The following COL6A3 variants were observed in gnomAD, a reference collection of about 807,000 sequenced individuals.
COL6A3 encodes the protein collagen alpha-3(VI) chain.
Under a neutral mutation model 274.1 loss-of-function variants are expected in COL6A3, and 137 were observed. The ratio of observed to expected loss-of-function variants is 0.50; its 90% CI spans 0.44 to 0.58. COL6A3 has a LOEUF of 0.58. Ranked by LOEUF, COL6A3 falls within the 20% of genes least tolerant of loss-of-function variation. The pLI is 0.00. For missense variants in COL6A3, 3,950 were observed against 4,124.9 expected, an observed-to-expected ratio of 0.96 and a Z score of 1.16; for synonymous variants, 1,650 against 1,650.6, an observed-to-expected ratio of 1.00 and a Z score of 0.01.
chr2:237,356,519 T>C (rs1372581553), intron 23 of COL6A3, among the ~76,000 whole-genome samples: 1 of 152,216 alleles, frequency 6.6e-6, no homozygotes, highest in African/African-American at 2.4e-5. Flanking sequence ...CGAACTCTAC[T>C]GGCCCAAGTG....
intron 42 of COL6A3, chr2:237,328,314 T>C (rs1447755243): frequency 6.6e-6 from 1 of 152,178 alleles, no homozygotes; most frequent in Non-Finnish European, 1.5e-5. Flanking sequence ...AACCCTGTTC[T>C]GGGAATCCCA....
chr2:237,400,513 G>T (rs1458693902), intron 1 of COL6A3, among the ~76,000 whole-genome samples: 1 of 151,576 alleles, frequency 6.6e-6, no homozygotes, highest in East Asian at 1.9e-4. Flanking sequence ...AAAAAAAATA[G>T]ATATTTGCTT....
intron 32 of COL6A3, 22 bp from the exon 33 acceptor site, chr2:237,345,235 G>A (rs1444917339): frequency 1.2e-6 from 2 of 1,613,576 alleles, no homozygotes; most frequent in South Asian, 1.1e-5. Flanking sequence ...AGGAACGAAA[G>A]GTGAGAGGCA....
At position 237,413,150 on chromosome 2, in the gene COL6A3, C is replaced by T. The variant is rs1181382262; in HGVS notation, c.-31+803G>A. Among the ~76,000 whole-genome samples, 1 of 152,232 alleles carries T rather than the reference C, an allele frequency of 6.6e-6. No individual in the cohort carries two copies. Among genetic ancestry groups the T allele is most frequent in the Non-Finnish European group, 1.5e-5 (1 of 68,030 alleles). On this transcript the variant is annotated intron_variant, in intron 1 of 43. Transcript: ENST00000295550. This position sits in a 1 kb window ranked among gnomAD's most constrained non-coding sequence, Gnocchi z 4.0. ...ACCCTGCATCCTCCGGGCCAGAGAACAGCCCTCGGGGCCTCCCAGCTCGGC... is the reference window on the plus strand; with the variant it reads ...ACCCTGCATCCTCCGGGCCAGAGAATAGCCCTCGGGGCCTCCCAGCTCGGC...
At chr2:237,393,140 TC>T (rs1374904099) in intron 3 of COL6A3, among the ~76,000 whole-genome samples, 1 of 152,176 alleles carries the variant, frequency 6.6e-6, no homozygotes, top group African/African-American at 2.4e-5. Flanking sequence ...GAGAAAATTT[TC>T]TTCTGTCCTC....
intron 3 of COL6A3, among the ~76,000 whole-genome samples, chr2:237,391,930 C>A (rs1352176917): frequency 6.6e-6 from 1 of 152,174 alleles, no homozygotes; most frequent in African/African-American, 2.4e-5. Flanking sequence ...TGTAGATACC[C>A]TCTTGTCATT....
chr2:237,404,415 G>T (rs192935348), intron 1 of COL6A3, among the ~76,000 whole-genome samples: 2 of 152,244 alleles, frequency 1.3e-5, no homozygotes, highest in African/African-American at 4.8e-5. Context: ...GATCCAGTTC[G>T]ATTACTTTAA....
Position 237,365,846 on chromosome 2 carries a change from G to T in COL6A3, c.5690C>A (p.Pro1897Gln). The change falls in exon 12 of 44, where the codon CCG becomes CAG. Residue 1897 changes from proline (P) to glutamine (Q), a missense_variant. By Grantham distance (76) the Pro-to-Gln change is moderately conservative. Transcript: ENST00000295550. ...VSVVANTPSG[P>Q]VEAFDFDEYQ... ...CTCGTCAAAGTCAAAGGCCTCCACC[G>T]GGCCCGAGGGCGTGTTGGCCACCAC... 6.2e-7 allele frequency: 1 copy of T among 1,614,136 alleles called. No homozygotes were observed.
intron 23 of COL6A3, chr2:237,355,694 C>T (rs2077302500): frequency 6.6e-6 from 1 of 152,222 alleles, no homozygotes; most frequent in Non-Finnish European, 1.5e-5. Flanking sequence ...GCTCAGTCAT[C>T]TGCTACATCA....
chr2:237,362,401 T>A (rs2077456726), intron 14 of COL6A3, among the ~76,000 whole-genome samples: 1 of 152,184 alleles, frequency 6.6e-6, no homozygotes, highest in South Asian at 2.1e-4. Flanking sequence ...CTCTACATTC[T>A]CATCCCATCT....
intron 16 of COL6A3, among the ~76,000 whole-genome samples, chr2:237,360,420 G>T (rs2077409701): frequency 6.6e-6 from 1 of 152,064 alleles, no homozygotes; most frequent in Non-Finnish European, 1.5e-5. Flanking sequence ...GTGGGGCAAG[G>T]GTGGGTGGCC....
chr2:237,365,225 G>C (rs189894528), intron 12 of COL6A3, among the ~76,000 whole-genome samples: 1 of 150,742 alleles, frequency 6.6e-6, no homozygotes. Context: ...CAGCCCTGCC[G>C]ACACCTCGAG....
At chr2:237,362,593 AAAG>A (rs1295534322) in intron 14 of COL6A3, among the ~76,000 whole-genome samples, 5 of 152,244 alleles carry the variant, frequency 3.3e-5, no homozygotes, top group African/African-American at 1.2e-4. Flanking sequence ...CTAACCCTGC[AAAG>A]AAGTATGGAA....
In COL6A3 at chr2:237,361,835, C is replaced by T. The variant is rs762819140; in HGVS notation, c.6064-4G>A. 12 of 1,613,772 alleles carry T rather than the reference C, an allele frequency of 7.4e-6. No homozygotes were observed. The highest frequency in any genetic ancestry group is 1.0e-5 in the Non-Finnish European group (12 of 1,179,694). ...AAGCTTTCTCGGCAATGTTGTCCTA[C>T]CGAAAGGAAGAGAAACCAAATGTTC... On this transcript the variant is annotated splice_polypyrimidine_tract_variant and splice_region_variant and intron_variant, in intron 14 of 43. Transcript: ENST00000295550. This position sits in a 1 kb window ranked among gnomAD's most constrained non-coding sequence, Gnocchi z 5.1.
rs1238254185 is a variant in COL6A3 at position 237,368,520 on chromosome 2, T to C, written c.4900+43A>G. 3 of 1,594,960 alleles carry C rather than the reference T, an allele frequency of 1.9e-6. No individual in the cohort carries two copies. In the African/African-American group the frequency reaches 4.1e-5, roughly 22 times the overall value. On this transcript the variant is annotated intron_variant, in intron 10 of 43. Transcript: ENST00000295550. This position sits in a 1 kb window ranked among gnomAD's most constrained non-coding sequence, Gnocchi z 4.4. ...ATTACTTTTTTAACTAAAAAAAAAA[T>C]GTTGATGTCACACTCTGTAGTCATG...
Position 237,351,273 on chromosome 2 carries a change from G to A in COL6A3, c.6754-81C>T, listed in dbSNP as rs568008468. 8.0e-6 allele frequency: 11 copies of A among 1,379,998 alleles called. No individual in the cohort carries two copies. In the East Asian group the frequency reaches 2.5e-4, roughly 32 times the overall value. The allele number at this position is 1,379,998 out of a possible 1,614,324, so 85.5% of individuals were successfully genotyped here. On this transcript the variant is annotated intron_variant, in intron 26 of 43. Transcript: ENST00000295550. ...GGTCTCTGAAACCTGACTCTCCCCT[G>A]CATGGAAGTCAGAGCCCGCCAGGGG...
Position 237,352,526 on chromosome 2 carries a change from G to A in COL6A3, c.6749C>T (p.Pro2250Leu), listed in dbSNP as rs140728855. Residue 2250 changes from proline to leucine, a missense_variant, in exon 26 of 44, where the codon CCT (proline) becomes CTT (leucine). Transcript: ENST00000295550. ...CTGGTATTAGGACAGGCTTACCCGA[G>A]GTCCAGAAATGCCTTGTTCTCCTAT... ...GLIGEQGISGPRGSGGAAGAP... is the reference protein window; with the variant it reads ...GLIGEQGISGLRGSGGAAGAP... 1.4e-4 allele frequency: 226 copies of A among 1,612,042 alleles called. No homozygotes were observed. The highest frequency in any genetic ancestry group is 3.3e-4 in the Admixed American group (20 of 59,862).
chr2:237,343,073 A>C (rs1295717397), intron 36 of COL6A3: 1 of 152,224 alleles, frequency 6.6e-6, no homozygotes, highest in Non-Finnish European at 1.5e-5. Flanking sequence ...CATTACTTTA[A>C]ATGGGTGGGG....
chr2:237,394,207 C>G (rs532030992), intron 3 of COL6A3, among the ~76,000 whole-genome samples: 1 of 152,318 alleles, frequency 6.6e-6, no homozygotes, highest in Non-Finnish European at 1.5e-5. Context: ...CACTCTCCAA[C>G]AGGGAGCTTT....
Sources: gnomAD v4.1 joint callset for allele counts (sites outside exome capture counted in the v4.1 genomes callset) on GRCh38, gnomAD v4.1.1 for gene constraint, Gnocchi (gnomAD v3.1) non-coding constraint, MANE v1.5 for transcripts, NCBI Gene and HGNC (gene_info 2026-07-23, HGNC 2026-07-21) for gene names.